Variants in MKLN1 observed in about 807,000 individuals in gnomAD.
MKLN1 encodes the protein muskelin.
Under a neutral mutation model 99.0 loss-of-function variants are expected in MKLN1, and 18 were observed. The observed-to-expected ratio is 0.18, with a 90% CI of 0.13 to 0.27. MKLN1 has a LOEUF of 0.27. Ranked by LOEUF, MKLN1 falls within the 10% of genes least tolerant of loss-of-function variation. MKLN1 has a pLI of 1.00. For synonymous variants in MKLN1, 288 were observed against 293.2 expected, an observed-to-expected ratio of 0.98 and a Z score of 0.18; for missense variants, 621 against 875.9, an observed-to-expected ratio of 0.71 and a Z score of 3.67.
At chr7:131,310,746 T>G (rs966506847) in intron 3 of MKLN1, 1 of 152,190 alleles carries the variant, frequency 6.6e-6, no homozygotes. Context: ...AAATCCTTAG[T>G]AAAATAACAA....
chr7:131,261,208 A>G (rs1797726830), intron 3 of MKLN1, among the ~76,000 whole-genome samples: 1 of 152,224 alleles, frequency 6.6e-6, no homozygotes, highest in African/African-American at 2.4e-5. Context: ...TAAACAGACA[A>G]CCTACAGAAT....
intron 2 of MKLN1, among the ~76,000 whole-genome samples, chr7:131,187,258 C>G (rs1238568732): frequency 6.6e-6 from 1 of 151,826 alleles, no homozygotes; most frequent in African/African-American, 2.4e-5. Context: ...ATGCTATATA[C>G]TTTCCTACCG....
intron 15 of MKLN1, among the ~76,000 whole-genome samples, chr7:131,467,257 A>G (rs953354761): frequency 2.6e-5 from 4 of 152,214 alleles, no homozygotes; most frequent in African/African-American, 7.2e-5. Context: ...CTTAACCCTC[A>G]TATATACATA....
intron 8 of MKLN1, 38 bp from the exon 9 acceptor site, chr7:131,428,995 T>TC: frequency 6.5e-7 from 1 of 1,545,850 alleles, no homozygotes; most frequent in Non-Finnish European, 8.9e-7. Context: ...GCTTATTTTG[T>TC]CCTTTTTTTT....
At chr7:131,426,808 G>A (rs1367208768) in intron 8 of MKLN1, among the ~76,000 whole-genome samples, 1 of 151,736 alleles carries the variant, frequency 6.6e-6, no homozygotes, top group Admixed American at 6.6e-5. Flanking sequence ...AGGCTGGAGT[G>A]CAGTGGTGCG....
At chr7:131,362,267 G>A (rs1356942795) in intron 1 of MKLN1, among the ~76,000 whole-genome samples, 1 of 151,888 alleles carries the variant, frequency 6.6e-6, no homozygotes, top group Non-Finnish European at 1.5e-5. Flanking sequence ...AAATAGTATA[G>A]CGTACTCCAT....
intron 2 of MKLN1, among the ~76,000 whole-genome samples, chr7:131,151,983 C>T (rs1203676089): frequency 6.6e-6 from 1 of 152,162 alleles, no homozygotes; most frequent in Non-Finnish European, 1.5e-5. Context: ...CTCCCCATCT[C>T]ATTTTATTTT....
At chr7:131,144,183 A>C (rs1490218162) in intron 2 of MKLN1, among the ~76,000 whole-genome samples, 1 of 152,114 alleles carries the variant, frequency 6.6e-6, no homozygotes, top group Non-Finnish European at 1.5e-5. Flanking sequence ...TGAATGAATG[A>C]TGTATTTTAA....
intron 1 of MKLN1, among the ~76,000 whole-genome samples, chr7:131,139,820 C>T (rs552048380): frequency 6.6e-6 from 1 of 152,210 alleles, no homozygotes; most frequent in South Asian, 2.1e-4. Context: ...ACACAAAAGG[C>T]TAATTTGGTT....
intron 3 of MKLN1, among the ~76,000 whole-genome samples, chr7:131,250,127 G>A (rs1354415885): frequency 6.6e-6 from 1 of 152,152 alleles, no homozygotes. Context: ...AAGACTGGGA[G>A]AGATATAAAG....
chr7:131,314,150 G>T lies in MKLN1; in HGVS notation c.-178-61274G>T, dbSNP rs148716091. The stretch of plus-strand genomic sequence containing the variant: ...GCCATCACATACACAAAGGTTAAGT[G>T]TTCTCTCACAGAACAAAGTAATATC... On this transcript the variant is annotated intron_variant, in intron 3 of 7. Coordinates refer to the MKLN1 transcript ENST00000416992. Among the ~76,000 whole-genome samples, 26 of 152,294 alleles carry T rather than the reference G, an allele frequency of 1.7e-4. 1 individual carries two copies. Among genetic ancestry groups the T allele is most frequent in the Middle Eastern group, 6.8e-3 (2 of 294 alleles).
chr7:131,310,217 G>A (rs998999101), intron 3 of MKLN1: 1 of 152,172 alleles, frequency 6.6e-6, no homozygotes, highest in African/African-American at 2.4e-5. Flanking sequence ...AAAAAGATGA[G>A]TACATGCCTC....
chr7:131,244,318 C>T (rs1235389569), intron 3 of MKLN1, among the ~76,000 whole-genome samples: 1 of 152,168 alleles, frequency 6.6e-6, no homozygotes, highest in East Asian at 1.9e-4. Context: ...TCATGACCCG[C>T]TCCTCCCTCC....
At chr7:131,475,552 G>A (rs372051442) in intron 16 of MKLN1, among the ~76,000 whole-genome samples, 6 of 152,160 alleles carry the variant, frequency 3.9e-5, no homozygotes, top group African/African-American at 1.2e-4. Flanking sequence ...GGTGGCTCAC[G>A]CTTGTAATCA....
intron 1 of MKLN1, among the ~76,000 whole-genome samples, chr7:131,332,271 GA>G (rs1005886442): frequency 1.4e-5 from 2 of 146,900 alleles, no homozygotes; most frequent in South Asian, 2.1e-4. Context: ...CTCTACAAAA[GA>G]AAAAAAATAT....
chr7:131,273,988 T>C (rs1162636511), intron 3 of MKLN1, among the ~76,000 whole-genome samples: 1 of 152,206 alleles, frequency 6.6e-6, no homozygotes, highest in Non-Finnish European at 1.5e-5. Flanking sequence ...ATATTCATTA[T>C]AATTGTTTTC....
At chr7:131,484,844 TATG>T (rs1307531440) in intron 17 of MKLN1, among the ~76,000 whole-genome samples, 1 of 151,854 alleles carries the variant, frequency 6.6e-6, no homozygotes, top group Admixed American at 6.6e-5. Context: ...AATGAGTACA[TATG>T]ATGTTGCTGG....
intron 1 of MKLN1, among the ~76,000 whole-genome samples, chr7:131,132,653 G>A (rs1014070366): frequency 3.3e-5 from 5 of 152,118 alleles, no homozygotes; most frequent in Non-Finnish European, 5.9e-5. Flanking sequence ...GGCCGGGCGC[G>A]GTGGCTCACA....
chr7:131,262,063 A>G (rs969375845), intron 3 of MKLN1, among the ~76,000 whole-genome samples: 15 of 152,184 alleles, frequency 9.9e-5, no homozygotes, highest in Non-Finnish European at 1.5e-5. Flanking sequence ...TGGGTGATGA[A>G]ATAATTTGTA....
Sources: gnomAD v4.1 joint callset for allele counts (sites outside exome capture counted in the v4.1 genomes callset) on GRCh38, gnomAD v4.1.1 for gene constraint, MANE v1.5 for transcripts, NCBI Gene and HGNC (gene_info 2026-07-23, HGNC 2026-07-21) for gene names.